The following MAN2A1 variants were observed in gnomAD, a reference collection of about 807,000 sequenced individuals.
MAN2A1 encodes the protein mannosidase alpha class 2A member 1.
A neutral mutation model predicts 142.6 loss-of-function variants in MAN2A1; 76 were observed. That is an observed-to-expected ratio of 0.53 (90% CI 0.44 to 0.65). MAN2A1 has a LOEUF of 0.65. Ranked by LOEUF, MAN2A1 falls within the 30% of genes least tolerant of loss-of-function variation. The pLI, the probability that MAN2A1 is intolerant of heterozygous loss-of-function variation, is 0.00. For synonymous variants in MAN2A1, 559 were observed against 473.2 expected (o/e 1.18, Z -2.35); for missense variants, 1,311 against 1,365.1 (o/e 0.96, Z 0.62).
chr5:109,799,758 A>C (rs1327213688), intron 12 of MAN2A1, among the ~76,000 whole-genome samples: 2 of 151,330 alleles, frequency 1.3e-5, no homozygotes, highest in Admixed American at 1.3e-4. Flanking sequence ...CCGTCTCAAA[A>C]AAAAAAAAAA....
chr5:109,832,005 G>C (rs371484103), intron 16 of MAN2A1, among the ~76,000 whole-genome samples: 3 of 151,338 alleles, frequency 2.0e-5, no homozygotes, highest in African/African-American at 7.3e-5. Flanking sequence ...TCAGTGGGTT[G>C]TACCTTTTTA....
chr5:109,865,176 G>A (rs368320564), intron 21 of MAN2A1, 30 bp downstream of exon 21: 2 of 1,483,180 alleles, frequency 1.3e-6, no homozygotes, highest in Non-Finnish European at 1.9e-6. Flanking sequence ...TTTGCTTACT[G>A]TTAGTGTGCT....
At chr5:109,739,273 T>C (rs1256468628) in intron 4 of MAN2A1, among the ~76,000 whole-genome samples, 2 of 152,252 alleles carry the variant, frequency 1.3e-5, no homozygotes, top group Non-Finnish European at 2.9e-5. Flanking sequence ...AAATTTTCAC[T>C]AAGTTATATA....
At chr5:109,740,590 CAG>C (rs917955897) in intron 4 of MAN2A1, among the ~76,000 whole-genome samples, 1 of 152,162 alleles carries the variant, frequency 6.6e-6, no homozygotes, top group Non-Finnish European at 1.5e-5. Context: ...AGTGCATGGG[CAG>C]AGAGACTTCT....
chr5:109,708,509 G>GACACACTCACACACACACAC (rs1751203594), intron 1 of MAN2A1, among the ~76,000 whole-genome samples: 1 of 124,542 alleles, frequency 8.0e-6, no homozygotes, highest in Non-Finnish European at 1.7e-5. Flanking sequence ...GAACTGATAG[G>GACACACTCACACACACACAC]ACACACACAC....
intron 20 of MAN2A1, among the ~76,000 whole-genome samples, chr5:109,860,776 G>C (rs368112334): frequency 6.6e-6 from 1 of 152,156 alleles, no homozygotes; most frequent in African/African-American, 2.4e-5. Context: ...GGGGTGAATG[G>C]ATAGGTGGAT....
Position 109,750,634 on chromosome 5 carries a change from A to G in MAN2A1, c.708-4695A>G, listed in dbSNP as rs143728890. ...TGATGTCATTTATATATGATATGAT[A>G]TATTTGCCTATTTTTGACCTAGTCA... On this transcript the variant is annotated intron_variant, in intron 4 of 21. Transcript: ENST00000261483. 5.9e-5 allele frequency among the ~76,000 whole-genome samples: 9 copies of G among 152,216 alleles called. No individual in the cohort carries two copies. The East Asian group carries it at 1.7e-3, about 29-fold the overall frequency.
At chr5:109,736,366 T>G (rs1160862874) in intron 4 of MAN2A1, among the ~76,000 whole-genome samples, 3 of 152,118 alleles carry the variant, frequency 2.0e-5, no homozygotes. Context: ...AGTTTTAAAT[T>G]TTTTGTCAAG....
chr5:109,827,638 G>C (rs1182689490), intron 16 of MAN2A1, among the ~76,000 whole-genome samples: 1 of 152,216 alleles, frequency 6.6e-6, no homozygotes, highest in Non-Finnish European at 1.5e-5. Context: ...CAGAAGTGCA[G>C]TTGAAGGGCT....
intron 2 of MAN2A1, among the ~76,000 whole-genome samples, chr5:109,715,047 A>G (rs1163994920): frequency 2.0e-5 from 3 of 152,084 alleles, no homozygotes; most frequent in Non-Finnish European, 4.4e-5. Flanking sequence ...CTGGACAGAA[A>G]GGAGTTGCAG....
chr5:109,834,398 CCAAAAAATTCTGTTG>C (rs1230639067), intron 16 of MAN2A1, among the ~76,000 whole-genome samples: 1 of 151,278 alleles, frequency 6.6e-6, no homozygotes, highest in Non-Finnish European at 1.5e-5. Context: ...AACAGAGCTT[CCAAAAAATTCTGTTG>C]TTTCATAACA....
At chr5:109,736,062 C>G (rs532432236) in intron 4 of MAN2A1, among the ~76,000 whole-genome samples, 1 of 151,978 alleles carries the variant, frequency 6.6e-6, no homozygotes, top group Admixed American at 6.6e-5. Flanking sequence ...GGATATCCCT[C>G]CAGTTACTCA....
rs1159463538 is a variant in MAN2A1, at chr5:109,847,761, C to G, written c.2947C>G (p.Leu983Val). 1 of 1,587,858 alleles carries G rather than the reference C, an allele frequency of 6.3e-7. No individual in the cohort carries two copies. The highest frequency in any genetic ancestry group is 2.3e-5 in the East Asian group (1 of 43,144). Reference sequence around the variant, plus strand: ...GATTACAGCTAATCTATTTCGAATACTACTAGAAAAAAGAAGTGCTGTTAA... The same window carrying G: ...GATTACAGCTAATCTATTTCGAATAGTACTAGAAAAAAGAAGTGCTGTTAA... The part of the protein sequence containing the change: ...NKITANLFRI[L>V]LEKRSAVNTE... Residue 983 changes from leucine to valine, a missense_variant, in exon 19 of 22, where the codon CTA becomes GTA. Coordinates refer to ENST00000261483, the MANE Select transcript of MAN2A1 (RefSeq NM_002372.4).
At chr5:109,856,290 G>C (rs1755604186) in intron 20 of MAN2A1, among the ~76,000 whole-genome samples, 1 of 152,072 alleles carries the variant, frequency 6.6e-6, no homozygotes, top group African/African-American at 2.4e-5. Context: ...ACTTGGGAGA[G>C]GCCTAAGTTC....
intron 21 of MAN2A1, 183 bp downstream of exon 21, chr5:109,865,329 C>T (rs1338595512): frequency 3.5e-6 from 2 of 578,004 alleles, no homozygotes; most frequent in Non-Finnish European, 6.2e-6. Flanking sequence ...GCCTCCTTTC[C>T]TTGTTGACAT....
chr5:109,722,137 G>A (rs905081087), intron 3 of MAN2A1, among the ~76,000 whole-genome samples: 2 of 152,172 alleles, frequency 1.3e-5, no homozygotes, highest in African/African-American at 4.8e-5. Context: ...CACAGGCTGA[G>A]CATATAGGAG....
At chr5:109,838,901 T>C (rs1488930038) in intron 16 of MAN2A1, among the ~76,000 whole-genome samples, 1 of 152,196 alleles carries the variant, frequency 6.6e-6, no homozygotes, top group Admixed American at 6.5e-5. Context: ...TACTTTATTA[T>C]TGCTAGAGGT....
At chr5:109,791,084 G>C (rs1432470901) in intron 12 of MAN2A1, among the ~76,000 whole-genome samples, 1 of 151,962 alleles carries the variant, frequency 6.6e-6, no homozygotes, top group Non-Finnish European at 1.5e-5. Context: ...TGGAATTTCG[G>C]GGGCTATTAG....
chr5:109,729,143 C>T (rs1454867639), intron 3 of MAN2A1, among the ~76,000 whole-genome samples, 199 bp from the exon 4 acceptor site: 1 of 151,910 alleles, frequency 6.6e-6, no homozygotes, highest in East Asian at 1.9e-4. Context: ...AGAGTGTTTT[C>T]ATTGTTTTAA....
Sources: allele counts gnomAD v4.1 joint callset (sites outside exome capture counted in the v4.1 genomes callset), GRCh38; gene constraint gnomAD v4.1.1; transcripts MANE v1.5; gene names NCBI Gene and HGNC (gene_info 2026-07-23, HGNC 2026-07-21).